PRKCE: variants seen among roughly 807,000 people sequenced by gnomAD.
PRKCE encodes protein kinase C epsilon type.
A neutral mutation model predicts 85.4 loss-of-function variants in PRKCE; 16 were observed. The observed-to-expected ratio is 0.19, with a 90% CI of 0.13 to 0.28. The LOEUF is 0.28. PRKCE is among the 10% of genes least tolerant of loss of function. The probability of loss-of-function intolerance (pLI) is 1.00; values close to 1 mark genes in which losing one functional copy is unlikely to be tolerated. For missense variants in PRKCE, 573 were observed against 975.2 expected, an observed-to-expected ratio of 0.59 and a Z score of 5.49; for synonymous variants, 388 against 371.5, an observed-to-expected ratio of 1.04 and a Z score of -0.51.
chr2:46,157,024 G>T (rs1421439099), intron 13 of PRKCE, among the ~76,000 whole-genome samples: 2 of 152,168 alleles, frequency 1.3e-5, no homozygotes, highest in Non-Finnish European at 2.9e-5. Context: ...CCTGTCGATG[G>T]TGTATCTTGC....
chr2:45,912,625 G>A (rs1478724456), intron 2 of PRKCE, among the ~76,000 whole-genome samples: 2 of 152,226 alleles, frequency 1.3e-5, no homozygotes, highest in East Asian at 3.9e-4. Flanking sequence ...TGGGGACCAT[G>A]AGAGACAGGT....
chr2:45,664,212 G>A (rs988389559), intron 1 of PRKCE, among the ~76,000 whole-genome samples: 1 of 152,210 alleles, frequency 6.6e-6, no homozygotes, highest in African/African-American at 2.4e-5. Context: ...TCATGTCATT[G>A]GATAGTGGTT....
intron 1 of PRKCE, among the ~76,000 whole-genome samples, chr2:45,706,043 A>G (rs925404860): frequency 6.6e-6 from 1 of 152,072 alleles, no homozygotes; most frequent in Non-Finnish European, 1.5e-5. Context: ...TGGCCCTTGA[A>G]TTTTTTCTAT....
intron 2 of PRKCE, among the ~76,000 whole-genome samples, chr2:45,929,952 C>G (rs1698912138): frequency 6.6e-6 from 1 of 152,162 alleles, no homozygotes; most frequent in Non-Finnish European, 1.5e-5. Flanking sequence ...AGTGCCTGGG[C>G]CAAGATGGCA....
chr2:45,897,811 G>A (rs1397546213), intron 2 of PRKCE, among the ~76,000 whole-genome samples: 1 of 152,182 alleles, frequency 6.6e-6, no homozygotes, highest in African/African-American at 2.4e-5. Flanking sequence ...TCTTTCCATG[G>A]TTCTTCCTGA....
chr2:45,857,074 G>A (rs1340269536), intron 2 of PRKCE, among the ~76,000 whole-genome samples: 1 of 152,138 alleles, frequency 6.6e-6, no homozygotes, highest in African/African-American at 2.4e-5. Context: ...ACCCAGTAGT[G>A]GGATTGCTGG....
In PRKCE at chr2:45,966,607, C is replaced by G. The variant is rs557051849; in HGVS notation, c.413-9822C>G. Among the ~76,000 whole-genome samples, 64 of 152,310 alleles carry G rather than the reference C, an allele frequency of 4.2e-4. No homozygotes were observed. The South Asian group carries it at 0.012, about 28-fold the overall frequency. ...TTTACCTGGATTCCAAGATAAGCCT[C>G]CTGATGAGCTGACCCCCACCCCAAC... On this transcript the variant is annotated intron_variant, in intron 2 of 14. Transcript: ENST00000306156.
At chr2:46,113,374 C>T (rs1185584507) in intron 11 of PRKCE, among the ~76,000 whole-genome samples, 1 of 152,244 alleles carries the variant, frequency 6.6e-6, no homozygotes, top group Non-Finnish European at 1.5e-5. Context: ...CTTTCAATCT[C>T]ATTTTAGTCA....
At chr2:45,854,868 C>T (rs1180519554) in intron 2 of PRKCE, among the ~76,000 whole-genome samples, 1 of 152,122 alleles carries the variant, frequency 6.6e-6, no homozygotes, top group Admixed American at 6.6e-5. Flanking sequence ...CCTCTTGCAG[C>T]TTTGGGATGA....
intron 1 of PRKCE, among the ~76,000 whole-genome samples, chr2:45,666,499 C>T (rs1675919075): frequency 6.6e-6 from 1 of 151,698 alleles, no homozygotes. Flanking sequence ...TGCTTGAGGG[C>T]TTGTTTCTAA....
chr2:46,183,118 T>C (rs1009286829), intron 14 of PRKCE, among the ~76,000 whole-genome samples: 1 of 152,164 alleles, frequency 6.6e-6, no homozygotes, highest in Non-Finnish European at 1.5e-5. Context: ...AAACCAACAT[T>C]CTCCAAACTG....
Position 45,697,446 on chromosome 2 carries a change from G to A in PRKCE, c.348+44998G>A, listed in dbSNP as rs1050248774. ...TTATTTATTTAGCCAGGACAGATAAGGACTAACAAACAAAACCAAACCAGA... is the reference window on the plus strand; with the variant it reads ...TTATTTATTTAGCCAGGACAGATAAAGACTAACAAACAAAACCAAACCAGA... On this transcript the variant is annotated intron_variant, in intron 1 of 14. Transcript: ENST00000306156. This position sits in a 1 kb window ranked among gnomAD's most constrained non-coding sequence, Gnocchi z 4.2. Among the ~76,000 whole-genome samples the A allele has an allele frequency of 2.6e-5, 4 of 152,118 alleles. No homozygotes were observed. The highest frequency in any genetic ancestry group is 4.4e-5 in the Non-Finnish European group (3 of 68,018).
chr2:46,185,037 A>G lies in PRKCE; in HGVS notation c.*156A>G. On this transcript the variant is annotated 3_prime_UTR_variant, in exon 15 of 15. Transcript: ENST00000306156. This position sits in a 1 kb window ranked among gnomAD's most constrained non-coding sequence, Gnocchi z 4.7. ...TTATTGCATTCCCTTGCCCCAGGCC[A>G]CCTCCTCCCCCTCCCACCTGGTGAC... 1.0e-6 allele frequency: 1 copy of G among 1,004,410 alleles called. No individual in the cohort carries two copies. The highest frequency in any genetic ancestry group is 1.4e-6 in the Non-Finnish European group (1 of 707,174). The allele number at this position is 1,004,410 out of a possible 1,614,324, so 62.2% of individuals were successfully genotyped here.
intron 11 of PRKCE, among the ~76,000 whole-genome samples, chr2:46,099,740 TC>T (rs1251839846): frequency 6.6e-6 from 1 of 152,208 alleles, no homozygotes; most frequent in Non-Finnish European, 1.5e-5. Context: ...GCCCATGATT[TC>T]TTGACTAACC....
chr2:45,950,752 G>A (rs1312407845), intron 2 of PRKCE, among the ~76,000 whole-genome samples: 2 of 152,122 alleles, frequency 1.3e-5, no homozygotes, highest in Non-Finnish European at 2.9e-5. Flanking sequence ...TGTCTGCCAA[G>A]TGTCTGTTGT....
intron 1 of PRKCE, among the ~76,000 whole-genome samples, chr2:45,756,188 A>T (rs1683988970): frequency 6.6e-6 from 1 of 152,152 alleles, no homozygotes; most frequent in South Asian, 2.1e-4. Context: ...ACAGGGATAA[A>T]CATTTGCTTA....
rs1362685645 is a variant in PRKCE, at chr2:46,139,507, A to AAGAT, written c.1593-5584_1593-5581dup. On this transcript the variant is annotated intron_variant, in intron 11 of 14. Transcript: ENST00000306156. The surrounding 1 kb of genome is among the most constrained non-coding windows in gnomAD (Gnocchi z 5.2). ...AACCCAAAACAACTGTGCTCTAAAT[A>AAGAT]AGATACAAGTTTCTTTCTTTTTCAT... 5.3e-5 allele frequency among the ~76,000 whole-genome samples: 8 copies of AAGAT among 152,134 alleles called. No homozygotes were observed. Among genetic ancestry groups the AAGAT allele is most frequent in the Non-Finnish European group, 1.2e-4 (8 of 68,028 alleles).
chr2:45,754,080 A>G (rs1403407603), intron 1 of PRKCE, among the ~76,000 whole-genome samples: 1 of 152,154 alleles, frequency 6.6e-6, no homozygotes. Flanking sequence ...TTGCTTTTGT[A>G]GGCGTAGGGG....
intron 11 of PRKCE, among the ~76,000 whole-genome samples, chr2:46,128,487 C>G (rs1474525157): frequency 4.6e-5 from 7 of 152,158 alleles, no homozygotes. Context: ...GAACCTGAAC[C>G]TAAGTGAGAC....
Sources: gnomAD v4.1 joint callset for allele counts (sites outside exome capture counted in the v4.1 genomes callset) on GRCh38, gnomAD v4.1.1 for gene constraint, Gnocchi (gnomAD v3.1) non-coding constraint, MANE v1.5 for transcripts, NCBI Gene and HGNC (gene_info 2026-07-23, HGNC 2026-07-21) for gene names.